The following FRMD5 variants were observed in gnomAD, a reference collection of about 807,000 sequenced individuals.
FRMD5 encodes the protein FERM domain containing 5, also known as FERM domain-containing protein 5.
In FRMD5, 20 loss-of-function variants were observed where a neutral mutation model predicts 69.0. The ratio of observed to expected loss-of-function variants is 0.29; its 90% CI spans 0.20 to 0.42. The LOEUF (loss-of-function observed/expected upper bound fraction) is 0.42, where lower values mean the gene tolerates loss of function less well. Among genes scored for constraint, FRMD5 ranks in the 10% least tolerant of loss-of-function variants. The probability of loss-of-function intolerance (pLI) is 1.00; values close to 1 mark genes in which losing one functional copy is unlikely to be tolerated. For missense variants in FRMD5, 595 were observed against 708.6 expected, an observed-to-expected ratio of 0.84 and a Z score of 1.82; for synonymous variants, 271 against 260.1, an observed-to-expected ratio of 1.04 and a Z score of -0.40.
chr15:44,102,624 G>T (rs1172034667), intron 1 of FRMD5, among the ~76,000 whole-genome samples: 1 of 152,148 alleles, frequency 6.6e-6, no homozygotes, highest in Non-Finnish European at 1.5e-5. Flanking sequence ...GGCTTTTCAG[G>T]AGTTCCCAAG....
intron 1 of FRMD5, among the ~76,000 whole-genome samples, chr15:44,121,292 C>G (rs566713261): frequency 6.7e-6 from 1 of 149,794 alleles, no homozygotes; most frequent in East Asian, 2.0e-4. Context: ...GAGGGGGAGT[C>G]AGCTTTCAGT....
chr15:43,992,784 C>T (rs1420584156), intron 1 of FRMD5, among the ~76,000 whole-genome samples: 5 of 152,086 alleles, frequency 3.3e-5, no homozygotes, highest in Non-Finnish European at 7.4e-5. Flanking sequence ...GGTCATTGCT[C>T]GTTGTAACCT....
At chr15:44,183,513 A>C (rs921280379) in intron 1 of FRMD5, among the ~76,000 whole-genome samples, 1 of 152,198 alleles carries the variant, frequency 6.6e-6, no homozygotes, top group Non-Finnish European at 1.5e-5. Context: ...TGGCCCGTCC[A>C]GCAGAGGGTT....
chr15:43,893,883 G>C (rs773672250), intron 7 of FRMD5, among the ~76,000 whole-genome samples: 1 of 152,214 alleles, frequency 6.6e-6, no homozygotes, highest in Non-Finnish European at 1.5e-5. Flanking sequence ...CTATCTCTCA[G>C]AGTCAGGGTT....
Position 44,069,642 on chromosome 15 carries a change from T to C in FRMD5, c.102+125311A>G, listed in dbSNP as rs141288926. ...ATAGAAATGGGGAAAGGATTAGTAG[T>C]TGCCAAGTGTCAAGGATGAGAGGGT... is the stretch of plus-strand genomic sequence containing the variant. On this transcript the variant is annotated intron_variant, in intron 1 of 13. Coordinates refer to ENST00000417257, the MANE Select transcript of FRMD5 (RefSeq NM_032892.5). 3.3e-4 allele frequency among the ~76,000 whole-genome samples: 50 copies of C among 152,234 alleles called. 2 individuals are homozygous for C. The East Asian group carries it at 9.5e-3, about 29-fold the overall frequency.
intron 1 of FRMD5, among the ~76,000 whole-genome samples, chr15:44,136,928 G>A (rs1383783772): frequency 6.6e-6 from 1 of 151,980 alleles, no homozygotes; most frequent in Non-Finnish European, 1.5e-5. Context: ...AACAGCGATA[G>A]ATAAAAAATT....
intron 13 of FRMD5, among the ~76,000 whole-genome samples, chr15:43,880,467 T>C (rs2088493877): frequency 2.0e-5 from 3 of 152,154 alleles, no homozygotes; most frequent in African/African-American, 7.2e-5. Context: ...ACCTGAACTC[T>C]CGCCTCCTGG....
intron 1 of FRMD5, among the ~76,000 whole-genome samples, chr15:44,130,668 C>T (rs2077085963): frequency 6.6e-6 from 1 of 152,026 alleles, no homozygotes; most frequent in African/African-American, 2.4e-5. Flanking sequence ...TTACAAATTA[C>T]AGGGCAGCAC....
chr15:44,057,720 G>A (rs562453317), intron 1 of FRMD5, among the ~76,000 whole-genome samples: 4 of 152,310 alleles, frequency 2.6e-5, no homozygotes, highest in Admixed American at 2.0e-4. Context: ...ACACACATTA[G>A]TTCTAATTTT....
At chr15:43,908,783 C>T (rs564046843) in intron 5 of FRMD5, among the ~76,000 whole-genome samples, 1 of 152,284 alleles carries the variant, frequency 6.6e-6, no homozygotes, top group African/African-American at 2.4e-5. Flanking sequence ...GGGTAAGCCT[C>T]AACTCTTACT....
chr15:44,013,586 T>C (rs1021893023), intron 1 of FRMD5, among the ~76,000 whole-genome samples: 1 of 152,228 alleles, frequency 6.6e-6, no homozygotes, highest in Non-Finnish European at 1.5e-5. Context: ...CTGAAAGTAA[T>C]ACAAACTATT....
intron 1 of FRMD5, among the ~76,000 whole-genome samples, chr15:44,136,938 T>TA (rs2077196288): frequency 6.6e-6 from 1 of 151,968 alleles, no homozygotes; most frequent in African/African-American, 2.4e-5. Context: ...GATAAAAAAT[T>TA]AAAAAAATTC....
At chr15:43,899,479 G>T (rs1567218602) in intron 7 of FRMD5, among the ~76,000 whole-genome samples, 1 of 152,234 alleles carries the variant, frequency 6.6e-6, no homozygotes, top group East Asian at 1.9e-4. Context: ...TTGCTCTACC[G>T]CTGAGGGCTT....
At chr15:43,939,900 C>T (rs570033199) in intron 1 of FRMD5, among the ~76,000 whole-genome samples, 1 of 152,282 alleles carries the variant, frequency 6.6e-6, no homozygotes, top group South Asian at 2.1e-4. Context: ...CTTAGAAAAG[C>T]ACCAGGCGCG....
chr15:43,875,708 C>T, intron 13 of FRMD5: 1 of 459,906 alleles, frequency 2.2e-6, no homozygotes, highest in Non-Finnish European at 3.8e-6. Context: ...GAACTCCTGG[C>T]CTCCCAAAGT....
At chr15:44,059,125 C>G (rs1892989322) in intron 1 of FRMD5, among the ~76,000 whole-genome samples, 1 of 152,108 alleles carries the variant, frequency 6.6e-6, no homozygotes, top group South Asian at 2.1e-4. Flanking sequence ...GCATCAATCA[C>G]AAACTACAGA....
intron 6 of FRMD5, among the ~76,000 whole-genome samples, chr15:43,903,406 C>T (rs1345056430): frequency 6.6e-6 from 1 of 152,208 alleles, no homozygotes; most frequent in Non-Finnish European, 1.5e-5. Context: ...AGTCAGGCAG[C>T]ACCTTTATGT....
chr15:43,970,677 A>C (rs2623015), intron 1 of FRMD5, among the ~76,000 whole-genome samples: 19,500 of 152,156 alleles, frequency 0.13, 2,382 homozygotes, highest in African/African-American at 0.32. Flanking sequence ...GGCTGATCTC[A>C]AAGTCCTGCC....
rs896457704 is a variant in FRMD5 at position 43,872,313 on chromosome 15, T to C, written c.*1572A>G. Reference sequence around the variant, plus strand: ...GGGACAAAATAGGGGAGGTCAAGTCTACAAGTGACTTGTTCTGTTCTGCGT... The same window carrying C: ...GGGACAAAATAGGGGAGGTCAAGTCCACAAGTGACTTGTTCTGTTCTGCGT... On this transcript the variant is annotated 3_prime_UTR_variant, in exon 14 of 14. Coordinates refer to ENST00000417257, the MANE Select transcript of FRMD5 (RefSeq NM_032892.5). The C allele has an allele frequency of 2.0e-5, 3 of 152,218 alleles. No homozygotes were observed. Among genetic ancestry groups the C allele is most frequent in the Non-Finnish European group, 4.4e-5 (3 of 68,056 alleles). 9.4% of individuals were successfully genotyped at this position (152,218 alleles called of 1,614,324 possible). A position where few individuals can be genotyped will look rare whatever the true frequency, so the allele number is the denominator to read the frequency against.
Sources: gnomAD v4.1 joint callset for allele counts (sites outside exome capture counted in the v4.1 genomes callset) on GRCh38, gnomAD v4.1.1 for gene constraint, MANE v1.5 for transcripts, NCBI Gene and HGNC (gene_info 2026-07-23, HGNC 2026-07-21) for gene names.